Variants in ATP10A observed in about 807,000 individuals in gnomAD.
ATP10A encodes the protein phospholipid-transporting ATPase VA.
In ATP10A, 111 loss-of-function variants were observed where a neutral mutation model predicts 147.8. The observed-to-expected ratio is 0.75, with a 90% confidence interval of 0.64 to 0.88. The LOEUF is 0.88. Among genes scored for constraint, ATP10A ranks in the 40% least tolerant of loss-of-function variants. ATP10A has a pLI of 0.00. For synonymous variants in ATP10A, 875 were observed against 841.6 expected, an observed-to-expected ratio of 1.04 and a Z score of -0.69; for missense variants, 1,927 against 1,959.0, an observed-to-expected ratio of 0.98 and a Z score of 0.31.
chr15:25,744,579 C>T (rs756424777), intron 2 of ATP10A, among the ~76,000 whole-genome samples: 1 of 152,086 alleles, frequency 6.6e-6, no homozygotes, highest in African/African-American at 2.4e-5. Context: ...TAAAGATGCA[C>T]CTGAAATTTT....
At chr15:25,805,851 A>G (rs952671618) in intron 1 of ATP10A, among the ~76,000 whole-genome samples, 1 of 152,212 alleles carries the variant, frequency 6.6e-6, no homozygotes, top group Non-Finnish European at 1.5e-5. Flanking sequence ...CTAAAGGAAA[A>G]TGTATTTTGA....
intron 2 of ATP10A, among the ~76,000 whole-genome samples, chr15:25,776,536 TG>T (rs1047233985): frequency 6.6e-6 from 1 of 152,244 alleles, no homozygotes; most frequent in African/African-American, 2.4e-5. Context: ...AGACATTGCC[TG>T]ACAGTGTGAT....
intron 6 of ATP10A, among the ~76,000 whole-genome samples, chr15:25,723,641 CAG>C (rs1206170623): frequency 6.6e-6 from 1 of 151,640 alleles, no homozygotes; most frequent in Non-Finnish European, 1.5e-5. Context: ...AAAATGAAAA[CAG>C]TGACCCAAAC....
intron 1 of ATP10A, among the ~76,000 whole-genome samples, chr15:25,796,390 G>C (rs1174317623): frequency 1.9e-5 from 2 of 104,928 alleles, no homozygotes; most frequent in Admixed American, 2.3e-4. Context: ...GAACAAAAGA[G>C]CGAGACCCTG....
intron 1 of ATP10A, among the ~76,000 whole-genome samples, chr15:25,855,245 A>G (rs1161912328): frequency 1.3e-5 from 2 of 152,144 alleles, no homozygotes; most frequent in African/African-American, 2.4e-5. Context: ...ATTCTAGTCA[A>G]TGGTATCCAG....
chr15:25,765,981 A>G (rs1888998917), intron 2 of ATP10A, among the ~76,000 whole-genome samples: 1 of 152,220 alleles, frequency 6.6e-6, no homozygotes, highest in Non-Finnish European at 1.5e-5. Context: ...TTGCTAATAA[A>G]GACATACCCA....
chr15:25,842,618 CT>C (rs1892856190), intron 1 of ATP10A, among the ~76,000 whole-genome samples: 1 of 152,110 alleles, frequency 6.6e-6, no homozygotes, highest in South Asian at 2.1e-4. Flanking sequence ...GATTTTCATA[CT>C]AGGATGAATA....
intron 13 of ATP10A, among the ~76,000 whole-genome samples, chr15:25,701,419 AAG>A (rs952661464): frequency 2.0e-5 from 3 of 152,200 alleles, no homozygotes; most frequent in Non-Finnish European, 4.4e-5. Context: ...TGCTCCATTC[AAG>A]AAGCCTGAAA....
At chr15:25,800,536 C>G (rs1160451732) in intron 1 of ATP10A, among the ~76,000 whole-genome samples, 1 of 152,318 alleles carries the variant, frequency 6.6e-6, no homozygotes, top group African/African-American at 2.4e-5. Flanking sequence ...TCACTCCACG[C>G]GTGCCTGCTG....
rs534395934 is a variant in ATP10A, at chr15:25,839,091, T to C, written c.449+23557A>G. Among the ~76,000 whole-genome samples the C allele has an allele frequency of 2.6e-5, 4 of 152,300 alleles. No individual in the cohort carries two copies. In the South Asian group the frequency reaches 8.3e-4, roughly 32 times the overall value. On this transcript the variant is annotated intron_variant, in intron 1 of 20. Coordinates refer to ENST00000555815, the MANE Select transcript of ATP10A (RefSeq NM_024490.4). ...CAGCAATGACTTAACAGCGGGCTTG[T>C]ATCCAATACCCATTCTGTTTAGAAG... is the stretch of plus-strand genomic sequence containing the variant.
intron 1 of ATP10A, among the ~76,000 whole-genome samples, chr15:25,822,100 T>C (rs1315228685): frequency 6.6e-6 from 1 of 152,146 alleles, no homozygotes; most frequent in East Asian, 1.9e-4. Context: ...TAATACCTAA[T>C]ACAATGGAAA....
chr15:25,801,231 C>T (rs945142375), intron 1 of ATP10A, among the ~76,000 whole-genome samples: 3 of 152,090 alleles, frequency 2.0e-5, no homozygotes, highest in Admixed American at 6.5e-5. Flanking sequence ...ACCTCGAGGC[C>T]CAGGGAGAGC....
intron 16 of ATP10A, 150 bp from the exon 17 acceptor site, chr15:25,683,636 G>T: frequency 1.4e-6 from 1 of 738,324 alleles, no homozygotes; most frequent in Non-Finnish European, 2.2e-6. Flanking sequence ...ATGACCTTGA[G>T]CCCTGCTGCT....
intron 2 of ATP10A, among the ~76,000 whole-genome samples, chr15:25,777,096 CGTGT>C (rs34174555): frequency 4.4e-4 from 66 of 149,796 alleles, no homozygotes; most frequent in African/African-American, 9.1e-4. Flanking sequence ...TGCATACGTG[CGTGT>C]GTGTGTGTGT....
intron 1 of ATP10A, among the ~76,000 whole-genome samples, chr15:25,842,078 A>T (rs1481207094): frequency 3.9e-5 from 6 of 152,132 alleles, no homozygotes; most frequent in Non-Finnish European, 4.4e-5. Context: ...GTGTGGGTGG[A>T]TGGGCAAAAG....
intron 2 of ATP10A, among the ~76,000 whole-genome samples, chr15:25,742,154 C>T (rs939649631): frequency 8.2e-6 from 1 of 122,158 alleles, no homozygotes; most frequent in Admixed American, 8.4e-5. Context: ...CAGCATGTGA[C>T]GGAGAGTGCT....
intron 10 of ATP10A, among the ~76,000 whole-genome samples, chr15:25,711,505 G>A (rs2140381508): frequency 6.6e-6 from 1 of 152,210 alleles, no homozygotes; most frequent in South Asian, 2.1e-4. Context: ...GTTCTCTTGG[G>A]AAACTGCTGG....
At chr15:25,862,421 G>T (rs1404296761) in intron 1 of ATP10A, 7 of 653,066 alleles carry the variant, frequency 1.1e-5, no homozygotes, top group South Asian at 1.0e-4. Flanking sequence ...GGATCCCCAC[G>T]CGTCCCCGCA....
intron 2 of ATP10A, among the ~76,000 whole-genome samples, chr15:25,736,847 C>A (rs766768207): frequency 2.0e-5 from 3 of 152,152 alleles, no homozygotes; most frequent in Non-Finnish European, 4.4e-5. Context: ...TCTGGTCAGG[C>A]CTGGCATTCT....
Sources: allele counts gnomAD v4.1 joint callset (sites outside exome capture counted in the v4.1 genomes callset), GRCh38; gene constraint gnomAD v4.1.1; transcripts MANE v1.5; gene names NCBI Gene and HGNC (gene_info 2026-07-23, HGNC 2026-07-21).